The following CA10 variants were observed in gnomAD, a reference collection of about 807,000 sequenced individuals.
CA10 encodes carbonic anhydrase-related protein 10.
CA10 carries 14 observed loss-of-function variants against 44.2 expected under a neutral mutation model. The observed-to-expected ratio is 0.32, with a 90% CI of 0.21 to 0.50. CA10 has a LOEUF of 0.50. Among genes scored for constraint, CA10 ranks in the 20% least tolerant of loss-of-function variants. CA10 has a pLI of 0.99. For synonymous variants in CA10, 159 were observed against 141.6 expected, an observed-to-expected ratio of 1.12 and a Z score of -0.87; for missense variants, 350 against 409.7, an observed-to-expected ratio of 0.85 and a Z score of 1.26.
chr17:51,808,213 T>G (rs1248458555), intron 3 of CA10, among the ~76,000 whole-genome samples: 1 of 152,164 alleles, frequency 6.6e-6, no homozygotes, highest in Non-Finnish European at 1.5e-5. Context: ...TTTTAAAGTT[T>G]CTTAGAGAGT....
At chr17:51,771,927 C>G (rs1201713133) in intron 3 of CA10, among the ~76,000 whole-genome samples, 1 of 152,204 alleles carries the variant, frequency 6.6e-6, no homozygotes, top group Non-Finnish European at 1.5e-5. Flanking sequence ...GGCATCCCAT[C>G]TCACAGGTGA....
chr17:52,078,543 T>G (rs1212790970), intron 1 of CA10, among the ~76,000 whole-genome samples: 2 of 152,224 alleles, frequency 1.3e-5, no homozygotes, highest in Non-Finnish European at 2.9e-5. Context: ...AATGGTTGTT[T>G]CCCTCAGAAA....
chr17:51,752,541 G>A (rs1567827810), intron 3 of CA10, among the ~76,000 whole-genome samples: 2 of 152,082 alleles, frequency 1.3e-5, no homozygotes, highest in Admixed American at 1.3e-4. Context: ...GAATCACACA[G>A]TGGCAGGTGG....
At chr17:52,060,541 T>C (rs1273351474) in intron 2 of CA10, among the ~76,000 whole-genome samples, 4 of 152,170 alleles carry the variant, frequency 2.6e-5, no homozygotes, top group African/African-American at 9.7e-5. Flanking sequence ...ATAACTTTTC[T>C]GTAAATCTAA....
chr17:51,878,699 G>T (rs2143878712), intron 3 of CA10, among the ~76,000 whole-genome samples: 1 of 151,272 alleles, frequency 6.6e-6, no homozygotes, highest in Non-Finnish European at 1.5e-5. Flanking sequence ...ATGTATTGAG[G>T]AATCTTCTAC....
At chr17:52,056,905 T>C (rs1158457527) in intron 2 of CA10, among the ~76,000 whole-genome samples, 1 of 152,102 alleles carries the variant, frequency 6.6e-6, no homozygotes, top group Non-Finnish European at 1.5e-5. Flanking sequence ...GTTCTTTGTG[T>C]TTACAATCAT....
rs555795815 is a variant in CA10, at chr17:51,662,395, GA to G, written c.466-8660del. 7.4e-4 allele frequency among the ~76,000 whole-genome samples: 112 copies of G among 152,324 alleles called. 1 individual carries two copies. The highest frequency in any genetic ancestry group is 2.6e-3 in the African/African-American group (107 of 41,562). On this transcript the variant is annotated intron_variant, in intron 4 of 8. Transcript: ENST00000451037. The stretch of plus-strand genomic sequence containing the variant: ...GGTGAAGTGAAGACATTAAGGCACA[GA>G]GAGGTTAAGCACCTCTTCTGAGGTC...
At chr17:51,723,536 A>G (rs1408483275) in intron 4 of CA10, among the ~76,000 whole-genome samples, 1 of 151,714 alleles carries the variant, frequency 6.6e-6, no homozygotes, top group African/African-American at 2.4e-5. Context: ...GATATCATCT[A>G]TGGGAAAGAC....
chr17:51,961,988 C>T (rs1983910470), intron 2 of CA10, among the ~76,000 whole-genome samples: 1 of 152,070 alleles, frequency 6.6e-6, no homozygotes, highest in Admixed American at 6.5e-5. Flanking sequence ...GTCAAAGCAC[C>T]AAGTCACCTC....
intron 3 of CA10, among the ~76,000 whole-genome samples, chr17:51,878,871 TATATATATATATATA>T (rs1567870811): frequency 0.054 from 1,427 of 26,500 alleles, 135 homozygotes; most frequent in South Asian, 0.06. Context: ...TATATATATA[TATATATATATATATA>T]TATATGGGTG....
intron 1 of CA10, among the ~76,000 whole-genome samples, chr17:52,121,683 C>T (rs867872825): frequency 6.8e-6 from 1 of 146,306 alleles, no homozygotes; most frequent in Non-Finnish European, 1.5e-5. Flanking sequence ...CACAGATACA[C>T]ACACACACAC....
chr17:52,129,563 A>G (rs2143343060), intron 1 of CA10, among the ~76,000 whole-genome samples: 1 of 152,360 alleles, frequency 6.6e-6, no homozygotes, highest in East Asian at 1.9e-4. Flanking sequence ...TGGTTCTAGA[A>G]TCTAAGAGCT....
At chr17:51,636,670 C>T (rs897675269) in intron 6 of CA10, among the ~76,000 whole-genome samples, 2 of 152,044 alleles carry the variant, frequency 1.3e-5, no homozygotes, top group East Asian at 3.9e-4. Context: ...CACCTGGTGA[C>T]CATTCTCACT....
intron 1 of CA10, among the ~76,000 whole-genome samples, chr17:52,095,028 C>T (rs1988368927): frequency 6.6e-6 from 1 of 152,166 alleles, no homozygotes; most frequent in Non-Finnish European, 1.5e-5. Context: ...AGAATGTTTA[C>T]ATCAGCTTTA....
At chr17:51,873,893 G>A (rs935454336) in intron 3 of CA10, among the ~76,000 whole-genome samples, 4 of 152,212 alleles carry the variant, frequency 2.6e-5, no homozygotes, top group African/African-American at 9.6e-5. Flanking sequence ...ACTAGACCCT[G>A]ATTGATAAGC....
At chr17:51,863,973 A>G (rs993904088) in intron 3 of CA10, among the ~76,000 whole-genome samples, 5 of 152,298 alleles carry the variant, frequency 3.3e-5, no homozygotes, top group Non-Finnish European at 5.9e-5. Context: ...CTGGCCATCA[A>G]TAACCAGTCC....
intron 3 of CA10, among the ~76,000 whole-genome samples, chr17:51,882,092 G>T (rs952141278): frequency 6.7e-6 from 1 of 149,544 alleles, no homozygotes; most frequent in Non-Finnish European, 1.5e-5. Context: ...GAAAAGAAAA[G>T]AATAGAGTTA....
chr17:51,961,273 T>G (rs528289732), intron 2 of CA10, among the ~76,000 whole-genome samples: 2 of 152,080 alleles, frequency 1.3e-5, no homozygotes, highest in South Asian at 4.1e-4. Context: ...TATTAAAATT[T>G]CTGTAATGCA....
intron 4 of CA10, among the ~76,000 whole-genome samples, chr17:51,675,333 G>T (rs1451673146): frequency 6.6e-6 from 1 of 152,138 alleles, no homozygotes; most frequent in Non-Finnish European, 1.5e-5. Context: ...GCCAAGGCGG[G>T]TGGATCACCT....
Sources: gnomAD v4.1 joint callset for allele counts (sites outside exome capture counted in the v4.1 genomes callset) on GRCh38, gnomAD v4.1.1 for gene constraint, MANE v1.5 for transcripts, NCBI Gene and HGNC (gene_info 2026-07-23, HGNC 2026-07-21) for gene names.